The following POLRMT variants were observed in gnomAD, a reference collection of about 807,000 sequenced individuals.
POLRMT encodes RNA polymerase mitochondrial.
Under a neutral mutation model 132.2 loss-of-function variants are expected in POLRMT, and 114 were observed. That is an observed-to-expected ratio of 0.86 (90% CI 0.74 to 1.01). The LOEUF (loss-of-function observed/expected upper bound fraction) is 1.01, where lower values mean the gene tolerates loss of function less well. POLRMT is among the 50% of genes least tolerant of loss of function. POLRMT has a pLI of 0.00. For missense variants in POLRMT, 2,003 were observed against 1,729.1 expected (o/e 1.16, Z -2.81); for synonymous variants, 1,020 against 773.4 (o/e 1.32, Z -5.29).
At chr19:633,334 G>A (rs570727387) in intron 1 of POLRMT, 91 bp downstream of exon 1, 225 of 1,355,714 alleles carry the variant, frequency 1.7e-4, no homozygotes, top group Non-Finnish European at 2.1e-4. Context: ...GGTGCAAAGA[G>A]GCAAAGGTCA....
chr19:621,651 G>C lies in POLRMT; in HGVS notation c.2047C>G (p.Leu683Val), dbSNP rs770415736. ...TVEGATQHQE[L>V]LETCPPTALH... ...GCGGTGGGCGGGCAGGTTTCCAGCAGCTCCTGGTGCTGCGTGGCGCCTTCC... is the reference window on the plus strand; with the variant it reads ...GCGGTGGGCGGGCAGGTTTCCAGCACCTCCTGGTGCTGCGTGGCGCCTTCC... Residue 683 changes from leucine to valine, a missense_variant, in exon 10 of 21, where the codon CTG (leucine) becomes GTG (valine). Coordinates refer to ENST00000588649, the MANE Select transcript of POLRMT (RefSeq NM_005035.4). The C allele has an allele frequency of 1.0e-5, 16 of 1,537,320 alleles. No homozygotes were observed. The East Asian group carries it at 3.8e-4, about 37-fold the overall frequency.
At chr19:617,729 G>A in intron 18 of POLRMT, 48 bp downstream of exon 18, 1 of 1,611,448 alleles carries the variant, frequency 6.2e-7, no homozygotes, top group South Asian at 1.1e-5. Context: ...ACGCCCCAGT[G>A]TGGGGGCCCC....
chr19:618,906 T>C, intron 15 of POLRMT, 91 bp downstream of exon 15: 1 of 1,351,884 alleles, frequency 7.4e-7, no homozygotes, highest in Non-Finnish European at 1.0e-6. Context: ...GGTGGTACAC[T>C]GGGGTGGTGG....
rs763695830 is a variant in POLRMT, at chr19:622,286, G to A, written c.1714C>T (p.Gln572Ter). ...GCCAGCAGCTTGCCCAGCTCCATCT[G>A]CACTGGCAGGGGCCAGGGCTGCTCC... Reference protein sequence around the residue: ...LREQPWPLPVQMELGKLLAEM... With the variant: ...LREQPWPLPV Residue 572 changes from glutamine (Q) to a stop codon, truncating the protein, a stop_gained, in exon 9 of 21, where the codon CAG becomes TAG. Transcript: ENST00000588649. LOFTEE classifies it high-confidence loss of function. 4 of 1,564,776 alleles carry A rather than the reference G, an allele frequency of 2.6e-6. No homozygotes were observed. The highest frequency in any genetic ancestry group is 3.5e-6 in the Non-Finnish European group (4 of 1,155,818).
At chr19:621,915 T>C in intron 9 of POLRMT, 69 bp from the exon 10 acceptor site, 1 of 1,536,560 alleles carries the variant, frequency 6.5e-7, no homozygotes, top group Non-Finnish European at 8.8e-7. Flanking sequence ...CCCTTAAACT[T>C]GGGTGAGAGG....
intron 12 of POLRMT, 74 bp downstream of exon 12, chr19:619,884 G>C (rs1984368012): frequency 7.6e-6 from 12 of 1,588,284 alleles, no homozygotes; most frequent in Admixed American, 6.8e-5. Flanking sequence ...CAAGGTGAGG[G>C]CACCTGGGGC....
At position 621,448 on chromosome 19, in the gene POLRMT, G is replaced by T; in HGVS notation, c.2250C>A (p.Ala750=). 7.2e-7 allele frequency: 1 copy of T among 1,397,578 alleles called. No homozygotes were observed. The highest frequency in any genetic ancestry group is 1.5e-5 in the African/African-American group (1 of 65,246). 86.6% of individuals were successfully genotyped at this position (1,397,578 alleles called of 1,614,324 possible). A position where few individuals can be genotyped will look rare whatever the true frequency, so the allele number is the denominator to read the frequency against. The change falls in exon 10 of 21, where the codon GCC becomes GCA. Residue 750 remains alanine, a synonymous_variant. Coordinates refer to ENST00000588649, the MANE Select transcript of POLRMT (RefSeq NM_005035.4). ...QPPEAHLPHS[A]APARKAELRR... ...GCAGCTCGGCCTTGCGGGCGGGCGC[G>T]GCGCTGTGCGGCAGGTGGGCCTCGG... is the stretch of plus-strand genomic sequence containing the variant.
rs762546327 is a variant in POLRMT, at chr19:625,202, A to G, written c.875T>C (p.Leu292Ser). ...CGCATAGGACAGCAGGTCCGGAGTC[A>G]AGCCGGCATCCTTCACCATGAATAA... ...YVLFMVKDAGLTPDLLSYAAA... is the reference protein window; with the variant it reads ...YVLFMVKDAGSTPDLLSYAAA... Residue 292 changes from leucine (L) to serine (S), a missense_variant, in exon 4 of 21, where the codon TTG (leucine) becomes TCG (serine). Coordinates refer to ENST00000588649, the MANE Select transcript of POLRMT (RefSeq NM_005035.4). 4 of 1,614,044 alleles carry G rather than the reference A, an allele frequency of 2.5e-6. No individual in the cohort carries two copies. In the East Asian group the frequency reaches 8.9e-5, roughly 36 times the overall value.
chr19:620,374 G>C lies in POLRMT; in HGVS notation c.2754C>G (p.Pro918=). ...GACCCAGCTGGCTCACCTGATGGACGGGGAGGTGGGAGACATAGGCGGCAG... is the reference window on the plus strand; with the variant it reads ...GACCCAGCTGGCTCACCTGATGGACCGGGAGGTGGGAGACATAGGCGGCAG... ...SDPAAYVSHL[P]VHQDGSCNGL... The change falls in exon 11 of 21, where the codon CCC becomes CCG. Residue 918 remains proline, a synonymous_variant. Transcript: ENST00000588649. The C allele has an allele frequency of 6.3e-7, 1 of 1,577,144 alleles. No individual in the cohort carries two copies. The highest frequency in any genetic ancestry group is 8.6e-7 in the Non-Finnish European group (1 of 1,162,572).
chr19:617,866 G>A lies in POLRMT; in HGVS notation c.3423-17C>T, dbSNP rs373904638. 1.4e-4 allele frequency: 232 copies of A among 1,611,992 alleles called. No homozygotes were observed. Among genetic ancestry groups the A allele is most frequent in the Admixed American group, 2.0e-4 (12 of 59,972 alleles). On this transcript the variant is annotated splice_polypyrimidine_tract_variant and intron_variant, in intron 17 of 20. Coordinates refer to ENST00000588649, the MANE Select transcript of POLRMT (RefSeq NM_005035.4). ...AGGCCCTTCCTGTGGCAGAGCGGAG[G>A]ACTCCTGAAGGGAGGGGAGCTCACA... is the stretch of plus-strand genomic sequence containing the variant.
intron 5 of POLRMT, among the ~76,000 whole-genome samples, chr19:624,227 T>G (rs1402171337): frequency 6.6e-6 from 1 of 152,030 alleles, no homozygotes; most frequent in Non-Finnish European, 1.5e-5. Flanking sequence ...GGTCTCGCAG[T>G]GTGTGGTCCC....
chr19:628,629 C>CA (rs956653780), intron 3 of POLRMT, among the ~76,000 whole-genome samples: 38 of 103,300 alleles, frequency 3.7e-4, no homozygotes, highest in African/African-American at 1.7e-3. Flanking sequence ...GCTGAAGGAT[C>CA]ATGGGGGGGG....
rs763844516 is a variant in POLRMT at position 624,876 on chromosome 19, A to C, written c.983T>G (p.Leu328Arg). 4.3e-6 allele frequency: 7 copies of C among 1,612,598 alleles called. No individual in the cohort carries two copies. The highest frequency in any genetic ancestry group is 5.1e-6 in the Non-Finnish European group (6 of 1,179,708). Residue 328 changes from leucine to arginine, a missense_variant, in exon 5 of 21, where the codon CTG (leucine) becomes CGG (arginine). By Grantham distance (102) the Leu-to-Arg change is moderately radical. Coordinates refer to ENST00000588649, the MANE Select transcript of POLRMT (RefSeq NM_005035.4). Reference protein sequence around the residue: ...RCLEQMSQEGLKLQALFTAVL... With the variant: ...RCLEQMSQEGRKLQALFTAVL... Reference sequence around the variant, plus strand: ...GGCGGTGAAGAGTGCCTGCAGCTTCAGCCCCTCCTGGCTCATCTGTTCCAG... The same window carrying C: ...GGCGGTGAAGAGTGCCTGCAGCTTCCGCCCCTCCTGGCTCATCTGTTCCAG...
Position 619,258 on chromosome 19 carries a change from C to T in POLRMT, c.3105G>A (p.Gln1035=). 6.2e-7 allele frequency: 1 copy of T among 1,607,034 alleles called. No homozygotes were observed. The highest frequency in any genetic ancestry group is 8.5e-7 in the Non-Finnish European group (1 of 1,178,694). The change falls in exon 14 of 21, where the codon CAG becomes CAA. Residue 1035 remains glutamine, a synonymous_variant. Transcript: ENST00000588649. ...ACATCTCCTGTAGACTCTTGAAGAC[C>T]TGGCGTACGAGATAGTGAGAGGCCT... The part of the protein sequence containing the change: ...VWEASHYLVR[Q]VFKSLQEMFS...
Position 629,949 on chromosome 19 carries a change from T to C in POLRMT, c.413A>G (p.Gln138Arg), listed in dbSNP as rs1985290396. 1.2e-6 allele frequency: 2 copies of C among 1,613,770 alleles called. No homozygotes were observed. Among genetic ancestry groups the C allele is most frequent in the Non-Finnish European group, 1.7e-6 (2 of 1,180,022 alleles). The change falls in exon 3 of 21, where the codon CAG (glutamine) becomes CGG (arginine). Residue 138 changes from glutamine to arginine, a missense_variant. Transcript: ENST00000588649. Reference sequence around the variant, plus strand: ...CATCTGCAGCTTCGCCTTCAACCGCTGCATACGCATCTGCTGGGTCCGCTT... The same window carrying C: ...CATCTGCAGCTTCGCCTTCAACCGCCGCATACGCATCTGCTGGGTCCGCTT... ...KDKRTQQMRM[Q>R]RLKAKLQMPF...
chr19:626,906 T>C (rs1489232993), intron 3 of POLRMT, among the ~76,000 whole-genome samples: 1 of 120,198 alleles, frequency 8.3e-6, no homozygotes, highest in Admixed American at 7.8e-5. Flanking sequence ...CACATATATA[T>C]ATATATATAA....
rs559710736 is a variant in POLRMT, at chr19:626,375, A to C, written c.823-1121T>G. On this transcript the variant is annotated intron_variant, in intron 3 of 20. Coordinates refer to ENST00000588649, the MANE Select transcript of POLRMT (RefSeq NM_005035.4). ...CGCCCTGTTGGCCAGGCTGGTCTCC[A>C]ACTCCTGACCTCAGGGGATCCACCC... Among the ~76,000 whole-genome samples, 11 of 149,514 alleles carry C rather than the reference A, an allele frequency of 7.4e-5. No individual in the cohort carries two copies. The East Asian group carries it at 2.3e-3, about 31-fold the overall frequency.
rs377471726 is a variant in POLRMT at position 622,835 on chromosome 19, G to T, written c.1441C>A (p.Arg481=). 6.3e-7 allele frequency: 1 copy of T among 1,597,852 alleles called. No individual in the cohort carries two copies. Among genetic ancestry groups the T allele is most frequent in the Non-Finnish European group, 8.5e-7 (1 of 1,173,166 alleles). Residue 481 remains arginine (R), a synonymous_variant, in exon 7 of 21, where the codon CGG becomes AGG. Coordinates refer to ENST00000588649, the MANE Select transcript of POLRMT (RefSeq NM_005035.4). ...LCLLDEREVV[R]MLLQVLQALP... is the part of the protein sequence containing the mutation. ...GGAAGACGCACCTGCAGGAGCATCC[G>T]CACCACCTCGCGCTCGTCCAGCAGG...
chr19:621,878 C>T (rs1984639621), intron 9 of POLRMT, 32 bp from the exon 10 acceptor site: 1 of 1,597,758 alleles, frequency 6.3e-7, no homozygotes, highest in South Asian at 1.1e-5. Context: ...GGTCAGGGCC[C>T]CGGTGCTGGG....
Sources: allele counts gnomAD v4.1 joint callset (sites outside exome capture counted in the v4.1 genomes callset), GRCh38; gene constraint gnomAD v4.1.1; transcripts MANE v1.5; gene names NCBI Gene and HGNC (gene_info 2026-07-23, HGNC 2026-07-21).